The following PLAAT1 variants were observed in gnomAD, a reference collection of about 807,000 sequenced individuals.
PLAAT1 encodes the protein phospholipase A and acyltransferase 1, also known as H-REV107 protein-related protein.
A neutral mutation model predicts 16.4 loss-of-function variants in PLAAT1; 13 were observed. The observed-to-expected ratio is 0.79, with a 90% CI of 0.52 to 1.26. The LOEUF (loss-of-function observed/expected upper bound fraction) is 1.26, where lower values mean the gene tolerates loss of function less well. Among genes scored for constraint, PLAAT1 ranks in the 50% most tolerant of loss-of-function variants. The pLI is 0.00. For synonymous variants in PLAAT1, 73 were observed against 78.4 expected, an observed-to-expected ratio of 0.93 and a Z score of 0.36; for missense variants, 218 against 207.8, an observed-to-expected ratio of 1.05 and a Z score of -0.30.
rs751026828 is a variant in PLAAT1 at position 193,262,969 on chromosome 3, G to A, written c.140-1G>A. 1 of 1,614,028 alleles carries A rather than the reference G, an allele frequency of 6.2e-7. No homozygotes were observed. Among genetic ancestry groups the A allele is most frequent in the Non-Finnish European group, 8.5e-7 (1 of 1,179,930 alleles). ...TTACTAACCAGAATTCTACTTTATA[G>A]ATGGCATTCCTGCGTCCTTTACAAG... On this transcript the variant is annotated splice_acceptor_variant, in intron 2 of 3. Coordinates refer to ENST00000264735, the MANE Select transcript of PLAAT1 (RefSeq NM_020386.5). LOFTEE classifies it high-confidence loss of function.
chr3:193,241,160 A>T (rs1464968630), upstream of PLAAT1: 4 of 1,182,484 alleles, frequency 3.4e-6, no homozygotes, highest in Non-Finnish European at 4.2e-6. Flanking sequence ...GCTCGGGGCC[A>T]AGCGAGGTCT....
intron 3 of PLAAT1, among the ~76,000 whole-genome samples, chr3:193,266,510 G>A (rs972833848): frequency 6.6e-5 from 10 of 152,130 alleles, no homozygotes; most frequent in African/African-American, 1.7e-4. Flanking sequence ...AGGTTCTGAT[G>A]AAGATGATGC....
chr3:193,278,004 A>G (rs1163063185), downstream of PLAAT1, among the ~76,000 whole-genome samples: 3 of 152,124 alleles, frequency 2.0e-5, no homozygotes, highest in African/African-American at 4.8e-5. Flanking sequence ...GGGTTTTACC[A>G]TGTTGGCCAG....
At chr3:193,274,608 T>C (rs1440176744), downstream of PLAAT1, among the ~76,000 whole-genome samples, 1 of 152,216 alleles carries the variant, frequency 6.6e-6, no homozygotes, top group African/African-American at 2.4e-5. Context: ...AAAGAGGAAC[T>C]GTGACCTTGG....
At chr3:193,277,304 A>G (rs1281881698) in intron 2 of PLAAT1, among the ~76,000 whole-genome samples, 2 of 152,188 alleles carry the variant, frequency 1.3e-5, no homozygotes, top group African/African-American at 2.4e-5. Flanking sequence ...TTCTGGCCCT[A>G]TGTCTGATGG....
intron 3 of PLAAT1, among the ~76,000 whole-genome samples, chr3:193,264,695 A>G (rs997485105): frequency 8.6e-5 from 13 of 151,934 alleles, no homozygotes; most frequent in Admixed American, 5.9e-4. Context: ...AGTAGAGACT[A>G]TGTTGGCTAG....
At chr3:193,263,676 T>C (rs538711299) in intron 3 of PLAAT1, among the ~76,000 whole-genome samples, 6 of 152,342 alleles carry the variant, frequency 3.9e-5, no homozygotes, top group Admixed American at 3.9e-4. Flanking sequence ...ATGACATATC[T>C]TAGTGGGCTT....
chr3:193,278,193 T>C (rs1262439875), downstream of PLAAT1, among the ~76,000 whole-genome samples: 1 of 152,212 alleles, frequency 6.6e-6, no homozygotes, highest in Non-Finnish European at 1.5e-5. Flanking sequence ...TTTGTAACTC[T>C]AGTACCAAAC....
intron 3 of PLAAT1, among the ~76,000 whole-genome samples, chr3:193,264,407 C>CAATTGA (rs1365100772): frequency 6.6e-6 from 1 of 152,126 alleles, no homozygotes; most frequent in African/African-American, 2.4e-5. Flanking sequence ...TGTTGGGCAT[C>CAATTGA]AATTTATGTG....
chr3:193,245,204 C>T (rs977464140), intron 1 of PLAAT1, among the ~76,000 whole-genome samples: 1 of 152,170 alleles, frequency 6.6e-6, no homozygotes, highest in Non-Finnish European at 1.5e-5. Flanking sequence ...CCTCATTTCT[C>T]TCTCTTCCCT....
intron 3 of PLAAT1, among the ~76,000 whole-genome samples, chr3:193,266,780 G>C (rs1332833413): frequency 1.3e-5 from 2 of 152,096 alleles, no homozygotes; most frequent in Non-Finnish European, 2.9e-5. Flanking sequence ...ATCGTTGTTA[G>C]CATAGTCAAT....
chr3:193,252,237 A>T (rs186783167), intron 1 of PLAAT1, among the ~76,000 whole-genome samples: 14 of 152,110 alleles, frequency 9.2e-5, no homozygotes, highest in Admixed American at 7.2e-4. Context: ...TCTCTTGTGA[A>T]CTCAGTCATC....
rs1716961603 is a variant in PLAAT1 at position 193,270,752 on chromosome 3, A to G, written c.*47A>G. On this transcript the variant is annotated 3_prime_UTR_variant, in exon 4 of 4. Coordinates refer to ENST00000264735, the MANE Select transcript of PLAAT1 (RefSeq NM_020386.5). ...ATATTGAAGGAATTTGGGAGGAGGA[A>G]AAGAAACCTGGGGTGAATACTTATT... The G allele has an allele frequency of 7.5e-6, 12 of 1,598,136 alleles. No individual in the cohort carries two copies. Among genetic ancestry groups the G allele is most frequent in the Non-Finnish European group, 1.0e-5 (12 of 1,171,298 alleles).
chr3:193,263,267 G>T, intron 3 of PLAAT1, 32 bp downstream of exon 3: 1 of 1,597,012 alleles, frequency 6.3e-7, no homozygotes, highest in South Asian at 1.1e-5. Context: ...TTCTTACATT[G>T]AGAAAAGAAT....
At chr3:193,253,499 C>T (rs1716267291) in intron 1 of PLAAT1, among the ~76,000 whole-genome samples, 1 of 152,160 alleles carries the variant, frequency 6.6e-6, no homozygotes. Context: ...GCATTTGCAA[C>T]AGTTTTTTTA....
intron 3 of PLAAT1, among the ~76,000 whole-genome samples, chr3:193,264,703 TAGGCTGGTCTCATGTTGGCC>T (rs1351295246): frequency 2.6e-5 from 4 of 152,202 alleles, no homozygotes; most frequent in Admixed American, 1.3e-4. Context: ...CTATGTTGGC[TAGGCTGGTCTCATGTTGGCC>T]AGGCTGGTCT....
intron 1 of PLAAT1, among the ~76,000 whole-genome samples, chr3:193,248,649 T>A (rs1204671992): frequency 6.6e-6 from 1 of 152,164 alleles, no homozygotes; most frequent in Non-Finnish European, 1.5e-5. Context: ...CAAGCTATTT[T>A]AAGCTTATAA....
At chr3:193,259,582 A>G (rs535698864) in intron 2 of PLAAT1, among the ~76,000 whole-genome samples, 1 of 152,310 alleles carries the variant, frequency 6.6e-6, no homozygotes, top group Non-Finnish European at 1.5e-5. Context: ...ATACACCAGT[A>G]ACATTCTAGC....
At chr3:193,268,473 A>T (rs1440916325) in intron 3 of PLAAT1, among the ~76,000 whole-genome samples, 2 of 152,220 alleles carry the variant, frequency 1.3e-5, no homozygotes, top group African/African-American at 4.8e-5. Flanking sequence ...CCTCTAAAGG[A>T]TAAAGAATGC....
Sources: allele counts gnomAD v4.1 joint callset (sites outside exome capture counted in the v4.1 genomes callset), GRCh38; gene constraint gnomAD v4.1.1; transcripts MANE v1.5; gene names NCBI Gene and HGNC (gene_info 2026-07-23, HGNC 2026-07-21).